The following PARK7 variants were observed in gnomAD, a reference collection of about 807,000 sequenced individuals.
PARK7 encodes Parkinsonism associated deglycase.
Under a neutral mutation model 20.5 loss-of-function variants are expected in PARK7, and 14 were observed. The ratio of observed to expected loss-of-function variants is 0.68; its 90% CI spans 0.45 to 1.07. PARK7 has a LOEUF of 1.07. Ranked by LOEUF, PARK7 falls within the 50% of genes least tolerant of loss-of-function variation. The pLI is 0.00. For synonymous variants in PARK7, 98 were observed against 84.3 expected, an observed-to-expected ratio of 1.16 and a Z score of -0.89; for missense variants, 234 against 238.1, an observed-to-expected ratio of 0.98 and a Z score of 0.11.
At chr1:7,966,692 G>A (rs1368443095) in intron 3 of PARK7, among the ~76,000 whole-genome samples, 3 of 152,054 alleles carry the variant, frequency 2.0e-5, no homozygotes, top group Non-Finnish European at 4.4e-5. Flanking sequence ...CTTCAGCCTG[G>A]GTGACAGAGC....
intron 5 of PARK7, chr1:7,971,387 C>T (rs1640461917): frequency 3.8e-6 from 1 of 261,212 alleles, no homozygotes; most frequent in Non-Finnish European, 7.5e-6. Context: ...CCGCTGGCTT[C>T]TCGGGCGTTT....
At chr1:7,970,030 A>G (rs999641685) in intron 4 of PARK7, among the ~76,000 whole-genome samples, 3 of 151,992 alleles carry the variant, frequency 2.0e-5, no homozygotes, top group African/African-American at 7.3e-5. Flanking sequence ...CATCTCTACA[A>G]AAAATTTTCT....
chr1:7,978,916 T>C (rs1204060056), intron 6 of PARK7, among the ~76,000 whole-genome samples: 1 of 152,194 alleles, frequency 6.6e-6, no homozygotes, highest in African/African-American at 2.4e-5. Flanking sequence ...TTATCCTTTT[T>C]ATTTTAACTA....
At chr1:7,966,690 T>G (rs1429278593) in intron 3 of PARK7, among the ~76,000 whole-genome samples, 1 of 152,176 alleles carries the variant, frequency 6.6e-6, no homozygotes, top group Non-Finnish European at 1.5e-5. Flanking sequence ...CCCTTCAGCC[T>G]GGGTGACAGA....
At chr1:7,980,342 C>T (rs1423276432) in intron 6 of PARK7, among the ~76,000 whole-genome samples, 2 of 152,150 alleles carry the variant, frequency 1.3e-5, no homozygotes, top group Non-Finnish European at 2.9e-5. Context: ...GAGCGCGCTC[C>T]TGCACTACCT....
At chr1:7,963,681 A>C (rs1480535632) in intron 2 of PARK7, among the ~76,000 whole-genome samples, 1 of 150,916 alleles carries the variant, frequency 6.6e-6, no homozygotes, top group Non-Finnish European at 1.5e-5. Context: ...GGCCCCTCAG[A>C]CTCGTTTCTT....
intron 6 of PARK7, chr1:7,982,951 T>A (rs1012424303): frequency 1.3e-5 from 2 of 152,218 alleles, no homozygotes; most frequent in Non-Finnish European, 2.9e-5. Flanking sequence ...CTGTGAACGA[T>A]CAATTGAGAT....
At chr1:7,970,821 C>T (rs971940456) in intron 4 of PARK7, 73 bp from the exon 5 acceptor site, 1 of 1,466,566 alleles carries the variant, frequency 6.8e-7, no homozygotes, top group African/African-American at 1.4e-5. Context: ...TAAATTCTTC[C>T]AAAGTTTCCT....
At chr1:7,982,149 ATTT>A (rs760318319) in intron 6 of PARK7, among the ~76,000 whole-genome samples, 5 of 116,618 alleles carry the variant, frequency 4.3e-5, no homozygotes, top group Non-Finnish European at 5.6e-5. Context: ...TAATTTTTGT[ATTT>A]TTTTTTTTTT....
chr1:7,981,438 G>A (rs565978967), intron 6 of PARK7, among the ~76,000 whole-genome samples: 1 of 152,224 alleles, frequency 6.6e-6, no homozygotes, highest in African/African-American at 2.4e-5. Flanking sequence ...TCTGCTCAGG[G>A]GTCAACTGAC....
At position 7,962,891 on chromosome 1, in the gene PARK7, A is replaced by G; in HGVS notation, c.90+16A>G. The G allele has an allele frequency of 1.3e-6, 2 of 1,574,812 alleles. No homozygotes were observed. Among genetic ancestry groups the G allele is most frequent in the South Asian group, 2.2e-5 (2 of 90,288 alleles). On this transcript the variant is annotated intron_variant, in intron 2 of 6. Coordinates refer to ENST00000338639, the MANE Select transcript of PARK7 (RefSeq NM_007262.5). ...GCGAGCTGGGGTAAGTCCCACATCG[A>G]TTTTTAGCCATTCCTGTTTTAAATG...
rs1412529589 is a variant in PARK7 at position 7,971,990 on chromosome 1, CGAAT to C, written c.322+1034_322+1037del. The C allele has an allele frequency of 5.3e-5, 8 of 151,984 alleles. No individual in the cohort carries two copies. In the South Asian group the frequency reaches 8.3e-4, roughly 16 times the overall value. 9.4% of individuals were successfully genotyped at this position (151,984 alleles called of 1,614,324 possible). On this transcript the variant is annotated intron_variant, in intron 5 of 6. Coordinates refer to ENST00000338639, the MANE Select transcript of PARK7 (RefSeq NM_007262.5). Reference sequence around the variant, plus strand: ...TTTGTCAGAAGAGTGAATGAATAAACGAATGAATGAGTGGATGGTTTGGTAAACA... The same window carrying C: ...TTTGTCAGAAGAGTGAATGAATAAACGAATGAGTGGATGGTTTGGTAAACA...
intron 1 of PARK7, among the ~76,000 whole-genome samples, 154 bp from the exon 2 acceptor site, chr1:7,962,607 CTA>C (rs1433160478): frequency 1.3e-5 from 2 of 152,134 alleles, no homozygotes; most frequent in Non-Finnish European, 2.9e-5. Flanking sequence ...GTTAAGATAA[CTA>C]AACTGCTGCT....
In PARK7 at chr1:7,984,865, A is replaced by G. The variant is rs758402808; in HGVS notation, c.410-29A>G. 3 of 1,613,780 alleles carry G rather than the reference A, an allele frequency of 1.9e-6. No individual in the cohort carries two copies. Among genetic ancestry groups the G allele is most frequent in the South Asian group, 1.1e-5 (1 of 91,070 alleles). ...CTTTCTCGTCACATAGCCCATTAGGATGTCACCTTTTCTGTTTCTACTTTG... is the reference window on the plus strand; with the variant it reads ...CTTTCTCGTCACATAGCCCATTAGGGTGTCACCTTTTCTGTTTCTACTTTG... On this transcript the variant is annotated intron_variant, in intron 6 of 6. Transcript: ENST00000338639. This position sits in a 1 kb window ranked among gnomAD's most constrained non-coding sequence, Gnocchi z 4.3.
chr1:7,981,655 C>CTTT (rs1458652247), intron 6 of PARK7, among the ~76,000 whole-genome samples: 1 of 131,002 alleles, frequency 7.6e-6, no homozygotes, highest in Non-Finnish European at 1.7e-5. Flanking sequence ...TGTCCTGTGT[C>CTTT]TTTTGTTTTT....
chr1:7,984,361 TGCG>T lies in PARK7; in HGVS notation c.410-531_410-529del, dbSNP rs890616891. On this transcript the variant is annotated intron_variant, in intron 6 of 6. Transcript: ENST00000338639. The surrounding 1 kb of genome is among the most constrained non-coding windows in gnomAD (Gnocchi z 4.3). The stretch of plus-strand genomic sequence containing the variant: ...AATAGCCAACCGGCGGGCCTGGAGG[TGCG>T]GGGATGCGGAAGGAAAGTAGTCCTT... Among the ~76,000 whole-genome samples the T allele has an allele frequency of 4.6e-5, 7 of 152,084 alleles. No individual in the cohort carries two copies. The highest frequency in any genetic ancestry group is 1.7e-4 in the African/African-American group (7 of 41,390).
chr1:7,969,870 T>G (rs1036732339), intron 4 of PARK7, among the ~76,000 whole-genome samples: 1 of 150,952 alleles, frequency 6.6e-6, no homozygotes, highest in South Asian at 2.2e-4. Context: ...GAGCCACCAC[T>G]CCCGACCTCA....
intron 5 of PARK7, chr1:7,971,200 T>C (rs1343043275): frequency 7.0e-6 from 4 of 567,380 alleles, no homozygotes; most frequent in Non-Finnish European, 9.6e-6. Context: ...TTTTCCGTGT[T>C]TGGTTGACCT....
rs779587926 is a variant in PARK7, at chr1:7,985,179, G to A, written c.*125G>A. ...AAGTCGCTGTCCTTACTACTTTTGC[G>A]GAAGTATGGAAGTCACAACTACACA... On this transcript the variant is annotated 3_prime_UTR_variant, in exon 7 of 7. Coordinates refer to ENST00000338639, the MANE Select transcript of PARK7 (RefSeq NM_007262.5). 171 of 1,244,792 alleles carry A rather than the reference G, an allele frequency of 1.4e-4. No homozygotes were observed. Among genetic ancestry groups the A allele is most frequent in the Non-Finnish European group, 1.8e-4 (158 of 883,430 alleles). The allele number at this position is 1,244,792 out of a possible 1,614,324, so 77.1% of individuals were successfully genotyped here.
Sources: allele counts gnomAD v4.1 joint callset (sites outside exome capture counted in the v4.1 genomes callset), GRCh38; gene constraint gnomAD v4.1.1; non-coding constraint Gnocchi (gnomAD v3.1); transcripts MANE v1.5; gene names NCBI Gene and HGNC (gene_info 2026-07-23, HGNC 2026-07-21).